RSPO3: variants seen among roughly 807,000 people sequenced by gnomAD.
RSPO3 encodes R-spondin 3, also known as R-spondin-3.
A neutral mutation model predicts 36.5 loss-of-function variants in RSPO3; 17 were observed. The ratio of observed to expected loss-of-function variants is 0.47; its 90% CI spans 0.32 to 0.70. The LOEUF is 0.70. RSPO3 is among the 30% of genes least tolerant of loss of function. RSPO3 has a pLI of 0.04. For synonymous variants in RSPO3, 108 were observed against 107.0 expected (o/e 1.01, Z -0.06); for missense variants, 294 against 322.5 (o/e 0.91, Z 0.68).
At chr6:127,145,097 T>A (rs889644539) in intron 1 of RSPO3, among the ~76,000 whole-genome samples, 1 of 152,158 alleles carries the variant, frequency 6.6e-6, no homozygotes, top group African/African-American at 2.4e-5. Context: ...GTCAGTATTC[T>A]ATGCACCATG....
At chr6:127,137,780 T>C (rs189599265) in intron 1 of RSPO3, among the ~76,000 whole-genome samples, 3 of 152,332 alleles carry the variant, frequency 2.0e-5, no homozygotes, top group Admixed American at 2.0e-4. Context: ...TTCTCTGTAG[T>C]CTTTAGATAT....
At chr6:127,159,644 CTTTTTTTTTT>C (rs869033594) in intron 4 of RSPO3, among the ~76,000 whole-genome samples, 1 of 123,284 alleles carries the variant, frequency 8.1e-6, no homozygotes, top group Non-Finnish European at 1.7e-5. Context: ...ATACATTCTC[CTTTTTTTTTT>C]TTTTTTTTTT....
intron 1 of RSPO3, among the ~76,000 whole-genome samples, chr6:127,132,726 A>C (rs772654216): frequency 3.9e-5 from 6 of 152,114 alleles, no homozygotes; most frequent in Non-Finnish European, 8.8e-5. Context: ...GTAGTACCCT[A>C]GGCCTCAAGA....
At chr6:127,128,392 T>A (rs1195908286) in intron 1 of RSPO3, among the ~76,000 whole-genome samples, 1 of 151,908 alleles carries the variant, frequency 6.6e-6, no homozygotes, top group Non-Finnish European at 1.5e-5. Flanking sequence ...AATAAAACTA[T>A]CTTCTCCACC....
intron 1 of RSPO3, among the ~76,000 whole-genome samples, chr6:127,121,332 T>C (rs1202571041): frequency 6.6e-6 from 1 of 152,174 alleles, no homozygotes; most frequent in Non-Finnish European, 1.5e-5. Context: ...CACCTCTAGG[T>C]TGGGCCGAGA....
At chr6:127,189,921 T>C (rs997886177) in intron 4 of RSPO3, among the ~76,000 whole-genome samples, 3 of 152,206 alleles carry the variant, frequency 2.0e-5, no homozygotes, top group Non-Finnish European at 4.4e-5. Context: ...ATTTTTACTA[T>C]ATTTGTTGTA....
At chr6:127,190,254 C>A (rs1219707362) in intron 4 of RSPO3, among the ~76,000 whole-genome samples, 1 of 152,040 alleles carries the variant, frequency 6.6e-6, no homozygotes, top group Non-Finnish European at 1.5e-5. Flanking sequence ...TAAAACCAAA[C>A]CCCATCTCTA....
In RSPO3 at chr6:127,197,705, G is replaced by T; in HGVS notation, c.*1698G>T. On this transcript the variant is annotated 3_prime_UTR_variant, in exon 5 of 5. Coordinates refer to ENST00000356698, the MANE Select transcript of RSPO3 (RefSeq NM_032784.5). ...GTTGTACAGTTCATGTAATCTACTTGGCTTAATTGATTTTCCACTTCTCTC... is the reference window on the plus strand; with the variant it reads ...GTTGTACAGTTCATGTAATCTACTTTGCTTAATTGATTTTCCACTTCTCTC... 1 of 614,226 alleles carries T rather than the reference G, an allele frequency of 1.6e-6. No homozygotes were observed. Among genetic ancestry groups the T allele is most frequent in the African/African-American group, 1.8e-5 (1 of 54,270 alleles). 38.0% of individuals were successfully genotyped at this position (614,226 alleles called of 1,614,324 possible).
In RSPO3 at chr6:127,160,001, T is replaced by C. The variant is rs1419409217; in HGVS notation, c.634+4563T>C. 5.9e-5 allele frequency among the ~76,000 whole-genome samples: 9 copies of C among 152,074 alleles called. No homozygotes were observed. The East Asian group carries it at 1.7e-3, about 30-fold the overall frequency. ...CACGTTTTCAATTTAATGTCCTCAG[T>C]GGACAGGACTTCCAGTTGCTGAATC... On this transcript the variant is annotated intron_variant, in intron 4 of 4. Coordinates refer to ENST00000356698, the MANE Select transcript of RSPO3 (RefSeq NM_032784.5).
intron 1 of RSPO3, among the ~76,000 whole-genome samples, chr6:127,130,323 T>C (rs1034209351): frequency 2.6e-5 from 4 of 152,174 alleles, no homozygotes; most frequent in Non-Finnish European, 5.9e-5. Context: ...GTGGTAAGTT[T>C]CAAATTCCTT....
chr6:127,173,342 A>G (rs563048819), intron 4 of RSPO3, among the ~76,000 whole-genome samples: 1 of 151,848 alleles, frequency 6.6e-6, no homozygotes, highest in Non-Finnish European at 1.5e-5. Flanking sequence ...TGTTAGTGCT[A>G]TCATGTTGTC....
chr6:127,149,519 GC>G (rs1313755394), intron 2 of RSPO3, among the ~76,000 whole-genome samples: 1 of 151,980 alleles, frequency 6.6e-6, no homozygotes, highest in Non-Finnish European at 1.5e-5. Context: ...TCTTTGCATA[GC>G]TGGCTGTCTT....
Position 127,195,859 on chromosome 6 carries a change from A to C in RSPO3, c.671A>C (p.Asn224Thr). The C allele has an allele frequency of 1.9e-6, 3 of 1,593,334 alleles. No homozygotes were observed. The highest frequency in any genetic ancestry group is 2.6e-6 in the Non-Finnish European group (3 of 1,169,746). The change falls in exon 5 of 5, where the codon AAT becomes ACT. Residue 224 changes from asparagine (N) to threonine (T), a missense_variant. Asn to Thr is a moderately conservative substitution (Grantham distance 65, BLOSUM62 0). Coordinates refer to ENST00000356698, the MANE Select transcript of RSPO3 (RefSeq NM_032784.5). ...AGGGAGAGGAAAAGAAAAAAACCTA[A>C]TAAAGGAGAAAGTAAAGAAGCAATA... ...KGRERKRKKP[N>T]KGESKEAIPD...
At chr6:127,172,697 T>C (rs1323944580) in intron 4 of RSPO3, among the ~76,000 whole-genome samples, 2 of 151,824 alleles carry the variant, frequency 1.3e-5, no homozygotes, top group Non-Finnish European at 2.9e-5. Flanking sequence ...AATAATATTA[T>C]TTGTTTAAAT....
chr6:127,167,082 T>C (rs1352961451), intron 4 of RSPO3, among the ~76,000 whole-genome samples: 1 of 152,056 alleles, frequency 6.6e-6, no homozygotes, highest in Non-Finnish European at 1.5e-5. Flanking sequence ...TGTTTTGCTT[T>C]TCTTTTTTTA....
At chr6:127,136,240 A>G (rs769366402) in intron 1 of RSPO3, among the ~76,000 whole-genome samples, 6 of 152,136 alleles carry the variant, frequency 3.9e-5, no homozygotes, top group Admixed American at 2.6e-4. Flanking sequence ...TCTTGGAGAG[A>G]ATTATCTGTT....
intron 4 of RSPO3, among the ~76,000 whole-genome samples, chr6:127,181,474 G>A (rs956457049): frequency 2.6e-5 from 4 of 151,764 alleles, no homozygotes; most frequent in Non-Finnish European, 4.4e-5. Flanking sequence ...ACCCGGTATT[G>A]TTTTCAGTTT....
At chr6:127,165,110 A>G (rs1774795758) in intron 4 of RSPO3, among the ~76,000 whole-genome samples, 1 of 152,084 alleles carries the variant, frequency 6.6e-6, no homozygotes, top group South Asian at 2.1e-4. Context: ...ATATCAATAT[A>G]CTAAATTCAC....
At chr6:127,180,493 A>AC (rs1775160826) in intron 4 of RSPO3, among the ~76,000 whole-genome samples, 1 of 141,232 alleles carries the variant, frequency 7.1e-6, no homozygotes, top group Non-Finnish European at 1.5e-5. Context: ...AAAACAAAAA[A>AC]AAAAAAAAAA....
Sources: gnomAD v4.1 joint callset for allele counts (sites outside exome capture counted in the v4.1 genomes callset) on GRCh38, gnomAD v4.1.1 for gene constraint, MANE v1.5 for transcripts, NCBI Gene and HGNC (gene_info 2026-07-23, HGNC 2026-07-21) for gene names.